FRYL: variants seen among roughly 807,000 people sequenced by gnomAD.
FRYL encodes FRY like transcription coactivator.
Under a neutral mutation model 351.2 loss-of-function variants are expected in FRYL, and 150 were observed. That is an observed-to-expected ratio of 0.43 (90% confidence interval 0.37 to 0.49). FRYL has a LOEUF of 0.49. Among genes scored for constraint, FRYL ranks in the 20% least tolerant of loss-of-function variants. The pLI is 0.00. For missense variants in FRYL, 3,036 were observed against 3,619.3 expected, an observed-to-expected ratio of 0.84 and a Z score of 4.13; for synonymous variants, 1,153 against 1,257.1, an observed-to-expected ratio of 0.92 and a Z score of 1.75.
intron 33 of FRYL, 55 bp downstream of exon 33, chr4:48,561,413 G>C (rs1735474710): frequency 8.6e-7 from 1 of 1,162,118 alleles, no homozygotes; most frequent in East Asian, 2.6e-5. Flanking sequence ...TCTAAAAATT[G>C]TTTCTGAAGA....
intron 7 of FRYL, among the ~76,000 whole-genome samples, chr4:48,611,567 T>C (rs1418524561): frequency 6.6e-6 from 1 of 152,026 alleles, no homozygotes; most frequent in Non-Finnish European, 1.5e-5. Flanking sequence ...TTCTCATATC[T>C]AGTAGTGCAG....
chr4:48,669,694 A>G (rs1407243540), intron 3 of FRYL, among the ~76,000 whole-genome samples: 2 of 36,536 alleles, frequency 5.5e-5, no homozygotes, highest in Non-Finnish European at 1.1e-4. Context: ...TATCCCTTAT[A>G]TTATTATTAA....
At chr4:48,766,985 C>CTATATAT (rs1015947855) in intron 1 of FRYL, among the ~76,000 whole-genome samples, 2 of 146,442 alleles carry the variant, frequency 1.4e-5, no homozygotes, top group East Asian at 1.9e-4. Context: ...TAATATATAT[C>CTATATAT]TATATATTAT....
intron 2 of FRYL, among the ~76,000 whole-genome samples, chr4:48,685,907 C>T (rs1239649183): frequency 6.6e-6 from 1 of 152,072 alleles, no homozygotes; most frequent in Non-Finnish European, 1.5e-5. Context: ...GTATCCGCCA[C>T]CACGCCCGGC....
At position 48,540,522 on chromosome 4, in the gene FRYL, C is replaced by T; in HGVS notation, c.6126G>A (p.Glu2042=). 6.2e-7 allele frequency: 1 copy of T among 1,614,092 alleles called. No homozygotes were observed. The highest frequency in any genetic ancestry group is 8.5e-7 in the Non-Finnish European group (1 of 1,179,964). ...HLPLDKSESR[E]KIENVQSKLK... ...ATTTGCTTTGTACATTTTCAATCTT[C>T]TCTCGACTCTCTGATTTATCCAAAG... The change falls in exon 46 of 64, where the codon GAG becomes GAA. Residue 2042 remains glutamate (E), a synonymous_variant. Coordinates refer to ENST00000358350, the MANE Select transcript of FRYL (RefSeq NM_015030.2).
intron 1 of FRYL, among the ~76,000 whole-genome samples, chr4:48,736,864 A>AG (rs962769072): frequency 2.0e-5 from 3 of 150,230 alleles, no homozygotes; most frequent in African/African-American, 4.9e-5. Flanking sequence ...AAAAAAAAAA[A>AG]AAAAAAGAAA....
intron 2 of FRYL, among the ~76,000 whole-genome samples, chr4:48,695,116 A>C (rs1560871178): frequency 6.6e-6 from 1 of 152,208 alleles, no homozygotes; most frequent in Non-Finnish European, 1.5e-5. Context: ...CTGCTTACTG[A>C]GCAAAGGAGA....
Position 48,746,639 on chromosome 4 carries a change from T to C in FRYL, c.-384+33439A>G, listed in dbSNP as rs191197583. The stretch of plus-strand genomic sequence containing the variant: ...TACCAAAAGTTGGATCCATGTCCTC[T>C]GACCCTGAGCAGTCTGTGACTGCCT... On this transcript the variant is annotated intron_variant, in intron 1 of 63. Transcript: ENST00000358350. 1.5e-3 allele frequency among the ~76,000 whole-genome samples: 221 copies of C among 152,258 alleles called. 1 individual carries two copies. The highest frequency in any genetic ancestry group is 4.7e-3 in the African/African-American group (195 of 41,558).
chr4:48,596,555 T>C (rs536213633), intron 13 of FRYL, among the ~76,000 whole-genome samples: 1 of 152,084 alleles, frequency 6.6e-6, no homozygotes. Flanking sequence ...GGCATTGTTA[T>C]ATGATTCTGA....
intron 53 of FRYL, among the ~76,000 whole-genome samples, chr4:48,527,149 C>G (rs1236046009): frequency 3.9e-5 from 6 of 152,228 alleles, no homozygotes; most frequent in Non-Finnish European, 2.9e-5. Flanking sequence ...TTAATCAATT[C>G]TCATATAAAT....
chr4:48,705,845 T>C (rs1178942827), intron 2 of FRYL, among the ~76,000 whole-genome samples: 1 of 146,738 alleles, frequency 6.8e-6, no homozygotes, highest in Non-Finnish European at 1.5e-5. Flanking sequence ...ATTCACCTCC[T>C]TTTTTTTTTG....
chr4:48,678,424 G>A (rs780384879), intron 3 of FRYL, among the ~76,000 whole-genome samples: 2 of 144,446 alleles, frequency 1.4e-5, no homozygotes, highest in East Asian at 2.1e-4. Context: ...CAGGAGAATC[G>A]CTTGAACAAG....
intron 1 of FRYL, among the ~76,000 whole-genome samples, chr4:48,744,673 C>T (rs1368311269): frequency 6.6e-6 from 1 of 152,152 alleles, no homozygotes; most frequent in Non-Finnish European, 1.5e-5. Flanking sequence ...AACCAAACTA[C>T]AGAACTAAAA....
chr4:48,761,568 T>C (rs1365998125), intron 1 of FRYL, among the ~76,000 whole-genome samples: 1 of 152,198 alleles, frequency 6.6e-6, no homozygotes, highest in Non-Finnish European at 1.5e-5. Flanking sequence ...CAACTTCTAC[T>C]CCTGTAAACT....
chr4:48,754,226 A>G (rs528481108), intron 1 of FRYL, among the ~76,000 whole-genome samples: 238 of 152,274 alleles, frequency 1.6e-3, no homozygotes, highest in African/African-American at 5.3e-3. Flanking sequence ...TTGTGTCTCT[A>G]TGGATTTACC....
intron 35 of FRYL, among the ~76,000 whole-genome samples, chr4:48,555,712 C>T (rs936302761): frequency 2.0e-5 from 3 of 152,088 alleles, no homozygotes; most frequent in African/African-American, 4.8e-5. Flanking sequence ...AGGTAACGTG[C>T]GGTAACGTTG....
chr4:48,759,178 T>C (rs1377776165), intron 1 of FRYL, among the ~76,000 whole-genome samples: 1 of 152,038 alleles, frequency 6.6e-6, no homozygotes, highest in African/African-American at 2.4e-5. Context: ...CATGTATACA[T>C]ATGTAACAAA....
At chr4:48,599,204 A>T (rs1405196444) in intron 13 of FRYL, among the ~76,000 whole-genome samples, 4 of 152,128 alleles carry the variant, frequency 2.6e-5, no homozygotes, top group South Asian at 2.1e-4. Context: ...AAAATCTCCA[A>T]ATTATTTTCT....
chr4:48,505,332 T>G (rs557240378), intron 60 of FRYL: 18 of 603,250 alleles, frequency 3.0e-5, no homozygotes, highest in Non-Finnish European at 5.5e-5. Context: ...TAAGCTTCAG[T>G]CACAAGCTGG....
Sources: allele counts gnomAD v4.1 joint callset (sites outside exome capture counted in the v4.1 genomes callset), GRCh38; gene constraint gnomAD v4.1.1; transcripts MANE v1.5; gene names NCBI Gene and HGNC (gene_info 2026-07-23, HGNC 2026-07-21).